The following USO1 variants were observed in gnomAD, a reference collection of about 807,000 sequenced individuals.
USO1 encodes the protein USO1 vesicle transport factor.
USO1 carries 57 observed loss-of-function variants against 124.5 expected under a neutral mutation model. That is an observed-to-expected ratio of 0.46 (90% CI 0.37 to 0.57). The LOEUF is 0.57. Among genes scored for constraint, USO1 ranks in the 20% least tolerant of loss-of-function variants. USO1 has a pLI of 0.00. For missense variants in USO1, 900 were observed against 1,040.6 expected (o/e 0.86, Z 1.86); for synonymous variants, 369 against 362.8 (o/e 1.02, Z -0.19).
At chr4:75,746,563 C>G (rs745711578) in intron 1 of USO1, among the ~76,000 whole-genome samples, 3 of 152,166 alleles carry the variant, frequency 2.0e-5, no homozygotes, top group Non-Finnish European at 2.9e-5. Flanking sequence ...TGTGTATAGA[C>G]TAAAACATGA....
At chr4:75,762,164 CTTTTTTTTT>C (rs375866579) in intron 4 of USO1, among the ~76,000 whole-genome samples, 11 of 70,148 alleles carry the variant, frequency 1.6e-4, no homozygotes, top group Middle Eastern at 0.011. Flanking sequence ...AACAATTTTA[CTTTTTTTTT>C]TTTTTTTTTT....
intron 10 of USO1, among the ~76,000 whole-genome samples, chr4:75,789,498 C>T (rs76476705): frequency 0.029 from 4,462 of 152,248 alleles, 212 homozygotes; most frequent in African/African-American, 0.1. Context: ...TGGTCTCAAA[C>T]TCCTGACCCC....
chr4:75,782,999 C>A, intron 9 of USO1, 141 bp downstream of exon 9: 1 of 1,165,580 alleles, frequency 8.6e-7, no homozygotes, highest in Non-Finnish European at 1.1e-6. Flanking sequence ...TGGAAATTTG[C>A]AGTTATCCTC....
intron 9 of USO1, among the ~76,000 whole-genome samples, chr4:75,784,935 A>ATTACT (rs1174524780): frequency 6.6e-6 from 1 of 152,208 alleles, no homozygotes; most frequent in East Asian, 1.9e-4. Flanking sequence ...AGCTTAGTAA[A>ATTACT]GCTTTTATCT....
At chr4:75,737,972 C>T (rs913795577) in intron 1 of USO1, among the ~76,000 whole-genome samples, 9 of 151,540 alleles carry the variant, frequency 5.9e-5, no homozygotes, top group Non-Finnish European at 1.3e-4. Context: ...GGATCACGGG[C>T]ATGTGCCATC....
intron 1 of USO1, among the ~76,000 whole-genome samples, chr4:75,734,780 G>A (rs539914216): frequency 1.5e-5 from 2 of 136,356 alleles, no homozygotes; most frequent in African/African-American, 5.5e-5. Context: ...CCAGGCTGGG[G>A]TGCAGTGGCA....
chr4:75,725,161 T>TGGTA (rs1351287067), intron 1 of USO1, among the ~76,000 whole-genome samples: 4 of 152,122 alleles, frequency 2.6e-5, no homozygotes, highest in Admixed American at 1.3e-4. Flanking sequence ...GGTCCGCAGG[T>TGGTA]GGTACCGCAC....
intron 1 of USO1, among the ~76,000 whole-genome samples, chr4:75,733,243 A>C (rs1316635459): frequency 1.3e-5 from 2 of 152,100 alleles, no homozygotes; most frequent in Non-Finnish European, 2.9e-5. Flanking sequence ...TGGGCAACAC[A>C]GTGAGACTCT....
chr4:75,765,172 C>A, intron 4 of USO1, among the ~76,000 whole-genome samples: 1 of 152,102 alleles, frequency 6.6e-6, no homozygotes, highest in East Asian at 1.9e-4. Flanking sequence ...GTTAATATTG[C>A]TGTGATTTTA....
intron 13 of USO1, among the ~76,000 whole-genome samples, chr4:75,796,262 T>C (rs916756486): frequency 6.6e-6 from 1 of 151,916 alleles, no homozygotes; most frequent in Non-Finnish European, 1.5e-5. Flanking sequence ...TGATTTTTGG[T>C]GTTTGAGTGT....
At chr4:75,767,123 C>T (rs548620245) in intron 4 of USO1, among the ~76,000 whole-genome samples, 2 of 152,234 alleles carry the variant, frequency 1.3e-5, no homozygotes, top group South Asian at 4.2e-4. Flanking sequence ...AGTTTTCCTC[C>T]CCATCTCCCC....
At chr4:75,740,976 G>A (rs1445969369) in intron 1 of USO1, among the ~76,000 whole-genome samples, 1 of 152,104 alleles carries the variant, frequency 6.6e-6, no homozygotes, top group Non-Finnish European at 1.5e-5. Flanking sequence ...ATAAAAATCT[G>A]TAACTGTGAT....
intron 18 of USO1, 117 bp downstream of exon 18, chr4:75,804,389 C>A: frequency 7.2e-7 from 1 of 1,392,026 alleles, no homozygotes; most frequent in Non-Finnish European, 9.4e-7. Flanking sequence ...ATCATGGTGA[C>A]AAAAATGTAA....
intron 1 of USO1, among the ~76,000 whole-genome samples, chr4:75,743,621 T>C (rs1158662181): frequency 6.6e-6 from 1 of 152,184 alleles, no homozygotes; most frequent in African/African-American, 2.4e-5. Context: ...ACCAGTGCCT[T>C]GCAAAATGTT....
chr4:75,742,369 A>G (rs1353939336), intron 1 of USO1, among the ~76,000 whole-genome samples: 1 of 152,150 alleles, frequency 6.6e-6, no homozygotes, highest in East Asian at 1.9e-4. Context: ...TTATCATCAT[A>G]TGGGACGTCT....
intron 1 of USO1, among the ~76,000 whole-genome samples, chr4:75,741,913 A>G (rs1720972947): frequency 6.6e-6 from 1 of 152,134 alleles, no homozygotes; most frequent in Non-Finnish European, 1.5e-5. Context: ...GTTAAAAACT[A>G]AGACACAAAC....
rs1241439638 is a variant in USO1 at position 75,733,018 on chromosome 4, T to C, written c.66+8133T>C. Among the ~76,000 whole-genome samples, 4 of 151,416 alleles carry C rather than the reference T, an allele frequency of 2.6e-5. No homozygotes were observed. In the East Asian group the frequency reaches 7.8e-4, roughly 29 times the overall value. ...GCTCATGCCTATAATCTTAGCACTT[T>C]GGGAGGCCGAGGCGGGCAGATTACA... On this transcript the variant is annotated intron_variant, in intron 1 of 23. Transcript: ENST00000514213.
At chr4:75,767,152 T>C (rs1577947761) in intron 4 of USO1, among the ~76,000 whole-genome samples, 1 of 152,186 alleles carries the variant, frequency 6.6e-6, no homozygotes, top group East Asian at 1.9e-4. Flanking sequence ...AATATTAGAA[T>C]GCCACAGGGC....
chr4:75,731,318 T>G (rs1379262225), intron 1 of USO1, among the ~76,000 whole-genome samples: 1 of 152,218 alleles, frequency 6.6e-6, no homozygotes, highest in Admixed American at 6.5e-5. Flanking sequence ...TCCCAGCACT[T>G]TGGTAGGCTG....
Sources: gnomAD v4.1 joint callset for allele counts (sites outside exome capture counted in the v4.1 genomes callset) on GRCh38, gnomAD v4.1.1 for gene constraint, MANE v1.5 for transcripts, NCBI Gene and HGNC (gene_info 2026-07-23, HGNC 2026-07-21) for gene names.